Variants in TNFSF11 observed in about 807,000 individuals in gnomAD.
TNFSF11 encodes the protein tumor necrosis factor ligand superfamily member 11.
A neutral mutation model predicts 32.2 loss-of-function variants in TNFSF11; 12 were observed. That is an observed-to-expected ratio of 0.37 (90% CI 0.24 to 0.60). The LOEUF (loss-of-function observed/expected upper bound fraction) is 0.60. TNFSF11 is among the 20% of genes least tolerant of loss of function. TNFSF11 has a pLI of 0.66. For synonymous variants in TNFSF11, 172 were observed against 152.1 expected (o/e 1.13, Z -0.96); for missense variants, 345 against 398.0 (o/e 0.87, Z 1.13).
intron 4 of TNFSF11, among the ~76,000 whole-genome samples, chr13:42,601,370 C>T (rs1046274708): frequency 6.6e-6 from 1 of 152,228 alleles, no homozygotes; most frequent in Non-Finnish European, 1.5e-5. Flanking sequence ...CAGCTATCTC[C>T]TGCAGAGGTC....
At chr13:42,573,908 T>G (rs1022185954), upstream of TNFSF11, among the ~76,000 whole-genome samples, 2 of 152,120 alleles carry the variant, frequency 1.3e-5, no homozygotes, top group African/African-American at 2.4e-5. Context: ...CTCTTGGACC[T>G]CCAGAAAGAC....
intron 4 of TNFSF11, among the ~76,000 whole-genome samples, chr13:42,604,385 C>T (rs148949322): frequency 4.1e-4 from 62 of 152,172 alleles, no homozygotes; most frequent in African/African-American, 1.3e-3. Flanking sequence ...ATAAGACCTC[C>T]GATGAAAAAG....
At chr13:42,573,272 T>C (rs1476795912), upstream of TNFSF11, among the ~76,000 whole-genome samples, 4 of 152,040 alleles carry the variant, frequency 2.6e-5, no homozygotes, top group African/African-American at 9.7e-5. Flanking sequence ...ACATCCTAAG[T>C]TTCATGGGTG....
upstream of TNFSF11, among the ~76,000 whole-genome samples, chr13:42,569,557 A>AAAAGAAAAGAAAAG (rs754126469): frequency 3.0e-5 from 2 of 67,466 alleles, no homozygotes; most frequent in African/African-American, 7.5e-5. Context: ...CAAAAAAAAA[A>AAAAGAAAAGAAAAG]AAAAGAAAAG....
chr13:42,575,477 A>ATT (rs113501805), intron 1 of TNFSF11, among the ~76,000 whole-genome samples: 6 of 150,780 alleles, frequency 4.0e-5, no homozygotes, highest in Non-Finnish European at 8.9e-5. Flanking sequence ...CTGACTGTGC[A>ATT]TTTTTTTTTA....
At chr13:42,596,457 G>T (rs1037264596) in intron 2 of TNFSF11, among the ~76,000 whole-genome samples, 6 of 152,108 alleles carry the variant, frequency 3.9e-5, no homozygotes, top group African/African-American at 9.7e-5. Context: ...TGGGCTAGTG[G>T]TATTTTGTCC....
intron 2 of TNFSF11, among the ~76,000 whole-genome samples, chr13:42,596,962 G>A (rs114181599): frequency 0.027 from 4,095 of 152,324 alleles, 178 homozygotes; most frequent in African/African-American, 0.093. Flanking sequence ...AGGTGTCTCT[G>A]CTGCGCAGCC....
upstream of TNFSF11, among the ~76,000 whole-genome samples, chr13:42,573,067 A>C (rs889338611): frequency 1.3e-5 from 2 of 152,222 alleles, no homozygotes; most frequent in South Asian, 4.1e-4. Flanking sequence ...TATAATACTT[A>C]ATAGAATGTA....
Position 42,600,987 on chromosome 13 carries a change from C to G in TNFSF11, c.532+6C>G, listed in dbSNP as rs1452742521. 4.3e-6 allele frequency: 7 copies of G among 1,614,006 alleles called. No individual in the cohort carries two copies. The highest frequency in any genetic ancestry group is 5.9e-6 in the Non-Finnish European group (7 of 1,179,886). Reference sequence around the variant, plus strand: ...TGCCACCGACATCCCATCTGGTAAGCTCTATCTGCATCCAGCCTGAAAAAT... The same window carrying G: ...TGCCACCGACATCCCATCTGGTAAGGTCTATCTGCATCCAGCCTGAAAAAT... On this transcript the variant is annotated splice_donor_region_variant and intron_variant, in intron 4 of 4. Coordinates refer to ENST00000398795, the MANE Select transcript of TNFSF11 (RefSeq NM_003701.4).
intron 2 of TNFSF11, among the ~76,000 whole-genome samples, chr13:42,592,815 A>G (rs867398238): frequency 6.6e-6 from 1 of 152,018 alleles, no homozygotes; most frequent in African/African-American, 2.4e-5. Flanking sequence ...AGTGAATCTC[A>G]TGAGATCTGA....
At chr13:42,590,326 A>G (rs776326300) in intron 2 of TNFSF11, among the ~76,000 whole-genome samples, 1 of 152,230 alleles carries the variant, frequency 6.6e-6, no homozygotes, top group Non-Finnish European at 1.5e-5. Flanking sequence ...GTCACTCGCA[A>G]GCTCAGTGTT....
chr13:42,599,349 C>CTATCATCCATCTATCTATCTATCT (rs11385072), intron 2 of TNFSF11, among the ~76,000 whole-genome samples: 10 of 112,246 alleles, frequency 8.9e-5, no homozygotes, highest in East Asian at 8.1e-4. Flanking sequence ...ATCTATCTAT[C>CTATCATCCATCTATCTATCTATCT]ATCTATCTAT....
chr13:42,571,081 A>T (rs1873049170), upstream of TNFSF11, among the ~76,000 whole-genome samples: 3 of 152,016 alleles, frequency 2.0e-5, no homozygotes, highest in Non-Finnish European at 2.9e-5. Context: ...GTGGGTTCTC[A>T]CTAATATATC....
intron 4 of TNFSF11, among the ~76,000 whole-genome samples, chr13:42,605,557 G>T (rs76240770): frequency 6.6e-6 from 1 of 152,130 alleles, no homozygotes; most frequent in Non-Finnish European, 1.5e-5. Flanking sequence ...ATATGAAAAG[G>T]ATTGGACACA....
intron 1 of TNFSF11, among the ~76,000 whole-genome samples, chr13:42,579,415 C>CAAA (rs34345592): frequency 4.4e-5 from 5 of 112,930 alleles, no homozygotes; most frequent in South Asian, 3.1e-4. Flanking sequence ...ACCCTGTCTT[C>CAAA]AAAAAAAAAA....
intron 1 of TNFSF11, among the ~76,000 whole-genome samples, chr13:42,565,573 A>G (rs996751732): frequency 6.6e-6 from 1 of 152,174 alleles, no homozygotes; most frequent in Admixed American, 6.5e-5. Context: ...AAGGGAATAG[A>G]GGTTTGAAAT....
In TNFSF11 at chr13:42,600,782, A is replaced by G; in HGVS notation, c.418A>G (p.Ile140Val). 3 of 1,614,172 alleles carry G rather than the reference A, an allele frequency of 1.9e-6. No individual in the cohort carries two copies. The highest frequency in any genetic ancestry group is 2.5e-6 in the Non-Finnish European group (3 of 1,180,016). The change falls in exon 3 of 5, where the codon ATC (isoleucine) becomes GTC (valine). Residue 140 changes from isoleucine to valine, a missense_variant. By Grantham distance (29) the Ile-to-Val change is conservative (BLOSUM62 3). Transcript: ENST00000398795. ...ACAACATATCGTTGGATCACAGCAC[A>G]TCAGAGCAGAGAAAGGTAAGCATGG... ...ELQHIVGSQH[I>V]RAEKAMVDGS...
At chr13:42,600,824 G>C in intron 3 of TNFSF11, 27 bp downstream of exon 3, 1 of 1,614,084 alleles carries the variant, frequency 6.2e-7, no homozygotes, top group Non-Finnish European at 8.5e-7. Context: ...ACATCTGTAT[G>C]AAATCCCACA....
chr13:42,595,087 C>T (rs1868727874), intron 2 of TNFSF11, among the ~76,000 whole-genome samples: 1 of 152,172 alleles, frequency 6.6e-6, no homozygotes, highest in Non-Finnish European at 1.5e-5. Flanking sequence ...ATCCTCATCT[C>T]TATTGTTTTT....
Sources: allele counts gnomAD v4.1 joint callset (sites outside exome capture counted in the v4.1 genomes callset), GRCh38; gene constraint gnomAD v4.1.1; transcripts MANE v1.5; gene names NCBI Gene and HGNC (gene_info 2026-07-23, HGNC 2026-07-21).